Variants in LAPTM4B observed in about 807,000 individuals in gnomAD.
LAPTM4B encodes lysosomal protein transmembrane 4 beta, also known as lysosomal-associated transmembrane protein 4B.
LAPTM4B carries 26 observed loss-of-function variants against 28.5 expected under a neutral mutation model. The ratio of observed to expected loss-of-function variants is 0.91; its 90% CI spans 0.67 to 1.27. LAPTM4B has a LOEUF of 1.27. Among genes scored for constraint, LAPTM4B ranks in the 50% most tolerant of loss-of-function variants. LAPTM4B has a pLI of 0.00. For missense variants in LAPTM4B, 288 were observed against 285.8 expected (o/e 1.01, Z -0.06); for synonymous variants, 109 against 106.4 (o/e 1.02, Z -0.15).
chr8:97,839,779 C>T (rs564355542), intron 6 of LAPTM4B, among the ~76,000 whole-genome samples: 35 of 152,174 alleles, frequency 2.3e-4, no homozygotes, highest in Non-Finnish European at 3.5e-4. Flanking sequence ...TATTTAATAA[C>T]GTGCCTCAGA....
chr8:97,841,514 G>A (rs1335067657), intron 6 of LAPTM4B, among the ~76,000 whole-genome samples: 6 of 152,156 alleles, frequency 3.9e-5, no homozygotes, highest in Non-Finnish European at 8.8e-5. Flanking sequence ...TTTTAGTAGA[G>A]GTGGGGTTTC....
At chr8:97,826,124 C>T (rs1229243386) in intron 6 of LAPTM4B, among the ~76,000 whole-genome samples, 1 of 152,172 alleles carries the variant, frequency 6.6e-6, no homozygotes, top group Non-Finnish European at 1.5e-5. Flanking sequence ...AAAACAGTTA[C>T]AGACTTTGTA....
At position 97,801,754 on chromosome 8, in the gene LAPTM4B, G is replaced by T. The variant is rs1309633520; in HGVS notation, c.100-3599G>T. ...GCTACAGGCTCCTACTGAGGCGGGA[G>T]AATCACTTGAACCTGGGTGGTGGAG... On this transcript the variant is annotated intron_variant, in intron 1 of 6. Coordinates refer to ENST00000521545, the MANE Select transcript of LAPTM4B (RefSeq NM_018407.6). Among the ~76,000 whole-genome samples the T allele has an allele frequency of 2.7e-5, 4 of 149,780 alleles. 1 individual carries two copies. The highest frequency in any genetic ancestry group is 9.9e-5 in the African/African-American group (4 of 40,550).
chr8:97,784,565 G>C (rs540961068), intron 1 of LAPTM4B, among the ~76,000 whole-genome samples: 3 of 151,850 alleles, frequency 2.0e-5, no homozygotes, highest in Non-Finnish European at 2.9e-5. Flanking sequence ...TCAGCCTCTC[G>C]AGTAGCTGGG....
intron 6 of LAPTM4B, among the ~76,000 whole-genome samples, chr8:97,847,336 A>G (rs1200369670): frequency 6.6e-6 from 1 of 152,204 alleles, no homozygotes; most frequent in African/African-American, 2.4e-5. Context: ...ACTCTTGAGT[A>G]TGTTTATCTA....
At chr8:97,782,987 G>C (rs1304647549) in intron 1 of LAPTM4B, among the ~76,000 whole-genome samples, 2 of 148,796 alleles carry the variant, frequency 1.3e-5, no homozygotes, top group African/African-American at 4.9e-5. Context: ...TAGTCAAGCT[G>C]GTCTCAAACT....
At chr8:97,787,258 C>G (rs1452102163) in intron 1 of LAPTM4B, among the ~76,000 whole-genome samples, 2 of 151,066 alleles carry the variant, frequency 1.3e-5, no homozygotes, top group Non-Finnish European at 2.9e-5. Flanking sequence ...TGTGACTTAG[C>G]TGTGAGGGAG....
chr8:97,811,992 G>C (rs1219222485), intron 2 of LAPTM4B, among the ~76,000 whole-genome samples: 1 of 151,774 alleles, frequency 6.6e-6, no homozygotes, highest in Non-Finnish European at 1.5e-5. Context: ...TTTTAGTAGA[G>C]ACGGGGTTTT....
At chr8:97,800,726 C>T (rs1008348326) in intron 1 of LAPTM4B, among the ~76,000 whole-genome samples, 2 of 151,978 alleles carry the variant, frequency 1.3e-5, no homozygotes, top group African/African-American at 2.4e-5. Flanking sequence ...AAACTCCTGA[C>T]TTATGGTGAT....
At chr8:97,783,237 T>C (rs1439692924) in intron 1 of LAPTM4B, among the ~76,000 whole-genome samples, 1 of 151,990 alleles carries the variant, frequency 6.6e-6, no homozygotes, top group Non-Finnish European at 1.5e-5. Flanking sequence ...CTTCATTGGC[T>C]TTATGACCTG....
chr8:97,785,085 T>C (rs937127084), intron 1 of LAPTM4B, among the ~76,000 whole-genome samples: 1 of 152,062 alleles, frequency 6.6e-6, no homozygotes, highest in African/African-American at 2.4e-5. Context: ...TTTAAGCTTT[T>C]ATCACACTTT....
chr8:97,795,320 T>G (rs7825368), intron 1 of LAPTM4B, among the ~76,000 whole-genome samples: 72,461 of 151,796 alleles, frequency 0.48, 17,879 homozygotes, highest in African/African-American at 0.59. Flanking sequence ...GAACTCCTGG[T>G]CTCAGTGGAT....
At chr8:97,820,141 C>G (rs1288109667) in intron 5 of LAPTM4B, among the ~76,000 whole-genome samples, 1 of 152,256 alleles carries the variant, frequency 6.6e-6, no homozygotes, top group Admixed American at 6.5e-5. Flanking sequence ...GCAGCAGTGC[C>G]TCACCCTTAT....
chr8:97,791,787 G>A (rs79459303), intron 1 of LAPTM4B, among the ~76,000 whole-genome samples: 3,994 of 152,254 alleles, frequency 0.026, 178 homozygotes, highest in African/African-American at 0.092. Flanking sequence ...TGTATTTTAT[G>A]AACATGGTAT....
intron 6 of LAPTM4B, among the ~76,000 whole-genome samples, chr8:97,849,588 C>A (rs1010171523): frequency 9.2e-5 from 14 of 152,274 alleles, no homozygotes; most frequent in African/African-American, 3.1e-4. Context: ...ATCACTACCT[C>A]TTTCAGGAAC....
intron 6 of LAPTM4B, among the ~76,000 whole-genome samples, chr8:97,839,609 C>T (rs1817314846): frequency 6.6e-6 from 1 of 152,184 alleles, no homozygotes; most frequent in Non-Finnish European, 1.5e-5. Context: ...CACTTGTAAA[C>T]GTTAGGAGGC....
At chr8:97,844,365 G>A (rs1222788198) in intron 6 of LAPTM4B, among the ~76,000 whole-genome samples, 1 of 152,118 alleles carries the variant, frequency 6.6e-6, no homozygotes, top group Non-Finnish European at 1.5e-5. Context: ...CCAAAGTGCT[G>A]GGATTACAAA....
intron 5 of LAPTM4B, among the ~76,000 whole-genome samples, chr8:97,823,344 G>GTTTTTTTTTTTTTT (rs10561869): frequency 9.1e-6 from 1 of 109,334 alleles, no homozygotes. Flanking sequence ...ATACAATATG[G>GTTTTTTTTTTTTTT]TTTTTTTTTT....
intron 6 of LAPTM4B, among the ~76,000 whole-genome samples, chr8:97,836,463 G>A (rs941323740): frequency 2.0e-5 from 3 of 152,118 alleles, no homozygotes; most frequent in East Asian, 3.9e-4. Context: ...TTACAGGCGC[G>A]AGCTACTGTG....
Sources: allele counts gnomAD v4.1 joint callset (sites outside exome capture counted in the v4.1 genomes callset), GRCh38; gene constraint gnomAD v4.1.1; transcripts MANE v1.5; gene names NCBI Gene and HGNC (gene_info 2026-07-23, HGNC 2026-07-21).